The following NUDT3 variants were observed in gnomAD, a reference collection of about 807,000 sequenced individuals.
NUDT3 encodes the protein diphosphoinositol polyphosphate phosphohydrolase 1.
A neutral mutation model predicts 23.6 loss-of-function variants in NUDT3; 9 were observed. The observed-to-expected ratio is 0.38, with a 90% CI of 0.23 to 0.66. The LOEUF is 0.66. NUDT3 is among the 30% of genes least tolerant of loss of function. NUDT3 has a pLI of 0.52. For missense variants in NUDT3, 172 were observed against 218.5 expected (o/e 0.79, Z 1.34); for synonymous variants, 86 against 82.6 (o/e 1.04, Z -0.22).
At chr6:34,326,064 T>C (rs1050486491) in intron 2 of NUDT3, among the ~76,000 whole-genome samples, 1 of 151,048 alleles carries the variant, frequency 6.6e-6, no homozygotes, top group Non-Finnish European at 1.5e-5. Context: ...AGGCCATACA[T>C]GTACATTGTT....
At chr6:34,368,401 G>T (rs1764772900) in intron 1 of NUDT3, among the ~76,000 whole-genome samples, 1 of 152,168 alleles carries the variant, frequency 6.6e-6, no homozygotes, top group African/African-American at 2.4e-5. Context: ...ATCTGGAAAG[G>T]CACAGGCCAG....
intron 1 of NUDT3, 78 bp from the exon 2 acceptor site, chr6:34,342,050 CAAACATCA>C: frequency 1.6e-6 from 2 of 1,290,086 alleles, no homozygotes; most frequent in Non-Finnish European, 2.2e-6. Context: ...TTAAACACCA[CAAACATCA>C]AAGTAACCAA....
In NUDT3 at chr6:34,285,068, G is replaced by A. The variant is rs1183334749; in HGVS notation, c.*3685C>T. 6.6e-6 allele frequency: 1 copy of A among 152,166 alleles called. No individual in the cohort carries two copies. The highest frequency in any genetic ancestry group is 1.5e-5 in the Non-Finnish European group (1 of 68,090). 9.4% of individuals were successfully genotyped at this position (152,166 alleles called of 1,614,324 possible). ...CGAGACCTTCTGCAGCCTGAGAGGG[G>A]GTGATACTCCCACACCCTTTGATCC... On this transcript the variant is annotated 3_prime_UTR_variant, in exon 5 of 5. Coordinates refer to ENST00000607016, the MANE Select transcript of NUDT3 (RefSeq NM_006703.4).
At chr6:34,343,435 T>C (rs1764318511) in intron 1 of NUDT3, among the ~76,000 whole-genome samples, 1 of 149,252 alleles carries the variant, frequency 6.7e-6, no homozygotes, top group Non-Finnish European at 1.5e-5. Flanking sequence ...ACACCTGTGG[T>C]CTCAGTTACT....
chr6:34,384,824 G>A (rs1056285411), intron 1 of NUDT3, among the ~76,000 whole-genome samples: 1 of 151,848 alleles, frequency 6.6e-6, no homozygotes, highest in Non-Finnish European at 1.5e-5. Flanking sequence ...TTGAGCTCAG[G>A]AGTTCAAAAC....
At position 34,392,623 on chromosome 6, in the gene NUDT3, C is replaced by A; in HGVS notation, c.-261G>T. On this transcript the variant is annotated 5_prime_UTR_variant, in exon 1 of 5. Transcript: ENST00000607016. ...GCCGCCCCCTCTGCCGCCGCCACCC[C>A]CGACGACGACCGCGCCGCCATCTTG... 1 of 255,902 alleles carries A rather than the reference C, an allele frequency of 3.9e-6. No homozygotes were observed. 15.9% of individuals were successfully genotyped at this position (255,902 alleles called of 1,614,324 possible). A position where few individuals can be genotyped will look rare whatever the true frequency, so the allele number is the denominator to read the frequency against.
intron 2 of NUDT3, among the ~76,000 whole-genome samples, chr6:34,328,196 T>C (rs1437761983): frequency 1.3e-5 from 2 of 152,226 alleles, no homozygotes; most frequent in Admixed American, 1.3e-4. Context: ...CGGCCAAGAA[T>C]CCAGCTTTCA....
intron 2 of NUDT3, among the ~76,000 whole-genome samples, chr6:34,302,911 A>C (rs1019253214): frequency 1.3e-5 from 2 of 152,184 alleles, no homozygotes; most frequent in African/African-American, 4.8e-5. Context: ...TGTTTTACTA[A>C]TTTAGTTGTT....
rs766953987 is a variant in NUDT3, at chr6:34,386,124, T to G, written c.99+6140A>C. 7.9e-5 allele frequency among the ~76,000 whole-genome samples: 12 copies of G among 152,202 alleles called. No homozygotes were observed. In the South Asian group the frequency reaches 1.2e-3, roughly 16 times the overall value. On this transcript the variant is annotated intron_variant, in intron 1 of 4. Coordinates refer to ENST00000607016, the MANE Select transcript of NUDT3 (RefSeq NM_006703.4). ...CAGCTGGGAGGCCACCTGGTTGGGG[T>G]ACACCAGACCCAGCAGCCTGCTGTG...
At chr6:34,366,160 A>G (rs1204836005) in intron 1 of NUDT3, among the ~76,000 whole-genome samples, 1 of 151,276 alleles carries the variant, frequency 6.6e-6, no homozygotes, top group East Asian at 1.9e-4. Flanking sequence ...TGAGCCCAGG[A>G]GTTCAAAACC....
chr6:34,329,253 T>C (rs1054257678), intron 2 of NUDT3, among the ~76,000 whole-genome samples: 3 of 152,174 alleles, frequency 2.0e-5, no homozygotes, highest in African/African-American at 7.2e-5. Context: ...TATACACACA[T>C]ATACACAAAT....
chr6:34,332,358 T>A (rs1764140848), intron 2 of NUDT3, among the ~76,000 whole-genome samples: 1 of 151,948 alleles, frequency 6.6e-6, no homozygotes, highest in Non-Finnish European at 1.5e-5. Flanking sequence ...CCAGTAAAGG[T>A]TTTTTCCTCG....
At chr6:34,325,586 A>G (rs1444912858) in intron 2 of NUDT3, among the ~76,000 whole-genome samples, 1 of 152,226 alleles carries the variant, frequency 6.6e-6, no homozygotes, top group Non-Finnish European at 1.5e-5. Flanking sequence ...AGGAGGGCGG[A>G]ATAAAGATGC....
rs1057248231 is a variant in NUDT3, at chr6:34,280,102, G to C, written c.*8651C>G. ...CCACAGCCTGACTGTACTGCCAGCC[G>C]CACCCATGAGAAGGAGGTGTGAAGG... is the stretch of plus-strand genomic sequence containing the variant. On this transcript the variant is annotated 3_prime_UTR_variant, in exon 5 of 5. Coordinates refer to ENST00000607016, the MANE Select transcript of NUDT3 (RefSeq NM_006703.4). 6.6e-6 allele frequency: 1 copy of C among 152,196 alleles called. No individual in the cohort carries two copies. The highest frequency in any genetic ancestry group is 2.4e-5 in the African/African-American group (1 of 41,422). 9.4% of individuals were successfully genotyped at this position (152,196 alleles called of 1,614,324 possible). A position where few individuals can be genotyped will look rare whatever the true frequency, so the allele number is the denominator to read the frequency against.
chr6:34,380,395 C>G (rs1282698174), intron 1 of NUDT3, among the ~76,000 whole-genome samples: 2 of 152,092 alleles, frequency 1.3e-5, no homozygotes, highest in Non-Finnish European at 2.9e-5. Flanking sequence ...CTCTGTCACC[C>G]AGGTTGGAGT....
chr6:34,310,570 A>G (rs891829908), intron 2 of NUDT3, among the ~76,000 whole-genome samples: 5 of 152,080 alleles, frequency 3.3e-5, no homozygotes, highest in Non-Finnish European at 5.9e-5. Context: ...CACCATAATA[A>G]CCTTCCAAAA....
At chr6:34,376,159 C>T (rs918504758) in intron 1 of NUDT3, among the ~76,000 whole-genome samples, 2 of 152,178 alleles carry the variant, frequency 1.3e-5, no homozygotes, top group African/African-American at 4.8e-5. Context: ...ATCTTCTCTC[C>T]GAAACCAACC....
At chr6:34,297,617 A>AGT (rs1336773721) in intron 2 of NUDT3, among the ~76,000 whole-genome samples, 1 of 146,104 alleles carries the variant, frequency 6.8e-6, no homozygotes, top group Non-Finnish European at 1.5e-5. Flanking sequence ...GGCTCACTAC[A>AGT]ACCTCCGTCT....
At chr6:34,312,516 C>T (rs1369025302) in intron 2 of NUDT3, among the ~76,000 whole-genome samples, 1 of 152,034 alleles carries the variant, frequency 6.6e-6, no homozygotes, top group East Asian at 1.9e-4. Context: ...CAAAATGATA[C>T]AGCGACATTG....
Sources: allele counts gnomAD v4.1 joint callset (sites outside exome capture counted in the v4.1 genomes callset), GRCh38; gene constraint gnomAD v4.1.1; transcripts MANE v1.5; gene names NCBI Gene and HGNC (gene_info 2026-07-23, HGNC 2026-07-21).